The following AGAP1 variants were observed in gnomAD, a reference collection of about 807,000 sequenced individuals.
The protein encoded by AGAP1 is arf-GAP with GTPase, ANK repeat and PH domain-containing protein 1.
Under a neutral mutation model 105.3 loss-of-function variants are expected in AGAP1, and 29 were observed. The observed-to-expected ratio is 0.28, with a 90% CI of 0.21 to 0.38. AGAP1 has a LOEUF of 0.38. AGAP1 is among the 10% of genes least tolerant of loss of function. The probability of loss-of-function intolerance (pLI) is 1.00; values close to 1 mark genes in which losing one functional copy is unlikely to be tolerated. For missense variants in AGAP1, 998 were observed against 1,165.1 expected, an observed-to-expected ratio of 0.86 and a Z score of 2.09; for synonymous variants, 509 against 485.9, an observed-to-expected ratio of 1.05 and a Z score of -0.63.
intron 1 of AGAP1, among the ~76,000 whole-genome samples, chr2:235,495,061 G>A (rs1328351033): frequency 6.6e-6 from 1 of 152,158 alleles, no homozygotes; most frequent in Admixed American, 6.5e-5. Context: ...AAGATAGATC[G>A]TCAGCGTTAA....
Position 235,931,061 on chromosome 2 carries a change from C to T in AGAP1, c.1483+138C>T, listed in dbSNP as rs2125153689. ...CTGTGGGGCGGCTGCATCAGAGACT[C>T]ACATCTTGCCTTTCATCTGTGGAAC... On this transcript the variant is annotated intron_variant, in intron 12 of 17. Coordinates refer to ENST00000304032, the MANE Select transcript of AGAP1 (RefSeq NM_001037131.3). This position sits in a 1 kb window ranked among gnomAD's most constrained non-coding sequence, Gnocchi z 5.6. 1.0e-6 allele frequency: 1 copy of T among 962,010 alleles called. No individual in the cohort carries two copies. Among genetic ancestry groups the T allele is most frequent in the South Asian group, 1.8e-5 (1 of 54,390 alleles). The allele number at this position is 962,010 out of a possible 1,614,324, so 59.6% of individuals were successfully genotyped here. A position where few individuals can be genotyped will look rare whatever the true frequency, so the allele number is the denominator to read the frequency against.
chr2:236,108,132 C>T (rs2059547048), intron 16 of AGAP1, among the ~76,000 whole-genome samples: 1 of 152,232 alleles, frequency 6.6e-6, no homozygotes, highest in South Asian at 2.1e-4. Context: ...TGCTCCGTCC[C>T]TCCGCCTGAC....
intron 8 of AGAP1, among the ~76,000 whole-genome samples, chr2:235,805,421 A>C (rs955678001): frequency 6.6e-6 from 1 of 152,092 alleles, no homozygotes; most frequent in Non-Finnish European, 1.5e-5. Context: ...GAAGATGTTA[A>C]TTTTTTTAAA....
Position 235,981,181 on chromosome 2 carries a change from C to G in AGAP1, c.1645+12558C>G, listed in dbSNP as rs778582972. Among the ~76,000 whole-genome samples the G allele has an allele frequency of 2.0e-5, 3 of 152,140 alleles. No individual in the cohort carries two copies. The highest frequency in any genetic ancestry group is 4.4e-5 in the Non-Finnish European group (3 of 68,028). On this transcript the variant is annotated intron_variant, in intron 13 of 17. Transcript: ENST00000304032. This position sits in a 1 kb window ranked among gnomAD's most constrained non-coding sequence, Gnocchi z 5.5. ...TTGCCAACACATGCTGCCTCGGGGC[C>G]TGTGGTCACTAAGCTTATATGAGGG... is the stretch of plus-strand genomic sequence containing the variant.
chr2:236,110,407 T>A (rs1410790210), intron 16 of AGAP1, among the ~76,000 whole-genome samples: 1 of 136,508 alleles, frequency 7.3e-6, no homozygotes, highest in Non-Finnish European at 1.6e-5. Context: ...AAAAAAAAAA[T>A]TGAAAATTAG....
In AGAP1 at chr2:236,121,955, C is replaced by A. The variant is rs779847950; in HGVS notation, c.2370+1508C>A. ...TCCTGGTAGCTCTCTCCTTTCCCCC[C>A]ACCCCCTTCTTTTTGGGACAAAGTC... On this transcript the variant is annotated intron_variant, in intron 17 of 17. Transcript: ENST00000304032. This position sits in a 1 kb window ranked among gnomAD's most constrained non-coding sequence, Gnocchi z 4.9. Among the ~76,000 whole-genome samples, 8 of 150,820 alleles carry A rather than the reference C, an allele frequency of 5.3e-5. No homozygotes were observed. The highest frequency in any genetic ancestry group is 3.4e-3 in the Middle Eastern group (1 of 292).
chr2:235,618,632 A>G (rs995923278), intron 1 of AGAP1, among the ~76,000 whole-genome samples: 4 of 152,238 alleles, frequency 2.6e-5, no homozygotes, highest in African/African-American at 7.2e-5. Context: ...TAAATAATGT[A>G]CCATAAAAGC....
Position 235,733,351 on chromosome 2 carries a change from C to T in AGAP1, c.311-7612C>T, listed in dbSNP as rs1025743691. ...GCCCCTTCTGTTTCTTCCCTGCGCACTTTGGGGTGAAGTGATGGGGTGTTG... is the reference window on the plus strand; with the variant it reads ...GCCCCTTCTGTTTCTTCCCTGCGCATTTTGGGGTGAAGTGATGGGGTGTTG... On this transcript the variant is annotated intron_variant, in intron 3 of 17. Coordinates refer to ENST00000304032, the MANE Select transcript of AGAP1 (RefSeq NM_001037131.3). This position sits in a 1 kb window ranked among gnomAD's most constrained non-coding sequence, Gnocchi z 5.0. Among the ~76,000 whole-genome samples, 9 of 152,154 alleles carry T rather than the reference C, an allele frequency of 5.9e-5. No homozygotes were observed. The highest frequency in any genetic ancestry group is 2.2e-4 in the African/African-American group (9 of 41,430).
Position 235,586,259 on chromosome 2 carries a change from A to G in AGAP1, c.163+91410A>G, listed in dbSNP as rs1463769236. Among the ~76,000 whole-genome samples the G allele has an allele frequency of 6.6e-6, 1 of 152,188 alleles. No homozygotes were observed. Among genetic ancestry groups the G allele is most frequent in the Non-Finnish European group, 1.5e-5 (1 of 68,038 alleles). ...GCATGTTATCCAGAAGAGAGGAGAGAGAAGCCCGCTGCACTCTCCACTGAC... is the reference window on the plus strand; with the variant it reads ...GCATGTTATCCAGAAGAGAGGAGAGGGAAGCCCGCTGCACTCTCCACTGAC... On this transcript the variant is annotated intron_variant, in intron 1 of 17. Transcript: ENST00000304032. This position sits in a 1 kb window ranked among gnomAD's most constrained non-coding sequence, Gnocchi z 4.2.
In AGAP1 at chr2:235,799,848, C is replaced by A. The variant is rs1218171353; in HGVS notation, c.957+326C>A. ...AAGGAGATGACAAAACTCTAAGATT[C>A]CCAGATGTGTGTCTCTAACCGTTCA... On this transcript the variant is annotated intron_variant, in intron 8 of 17. Transcript: ENST00000304032. The surrounding 1 kb of genome is among the most constrained non-coding windows in gnomAD (Gnocchi z 5.0). Among the ~76,000 whole-genome samples the A allele has an allele frequency of 6.6e-6, 1 of 152,096 alleles. No homozygotes were observed. The highest frequency in any genetic ancestry group is 1.9e-4 in the East Asian group (1 of 5,178).
intron 1 of AGAP1, among the ~76,000 whole-genome samples, chr2:235,603,181 T>C (rs1945791288): frequency 6.6e-6 from 1 of 152,166 alleles, no homozygotes; most frequent in African/African-American, 2.4e-5. Context: ...TGAGAGCTGG[T>C]GGTTTCATAA....
intron 9 of AGAP1, among the ~76,000 whole-genome samples, chr2:235,848,742 A>G (rs1961811105): frequency 6.6e-6 from 1 of 152,238 alleles, no homozygotes; most frequent in Admixed American, 6.5e-5. Context: ...ATCAGGTGAG[A>G]ACACACAGTT....
Position 235,888,626 on chromosome 2 carries a change from C to T in AGAP1, c.1155+5177C>T, listed in dbSNP as rs2124883674. 6.6e-6 allele frequency among the ~76,000 whole-genome samples: 1 copy of T among 152,096 alleles called. No individual in the cohort carries two copies. The highest frequency in any genetic ancestry group is 2.4e-5 in the African/African-American group (1 of 41,500). On this transcript the variant is annotated intron_variant, in intron 10 of 17. Transcript: ENST00000304032. The surrounding 1 kb of genome is among the most constrained non-coding windows in gnomAD (Gnocchi z 4.8). ...GGCTGAGGCAGGAGGATCACTTGAG[C>T]CAGGAGGTCAGGGCTTCACAGTGAG...
chr2:235,914,269 G>T (rs1447687198), intron 11 of AGAP1, among the ~76,000 whole-genome samples: 2 of 152,184 alleles, frequency 1.3e-5, no homozygotes, highest in African/African-American at 2.4e-5. Flanking sequence ...TACAGAGACT[G>T]GATTGTGTTG....
At chr2:235,653,232 A>G (rs546242539) in intron 1 of AGAP1, among the ~76,000 whole-genome samples, 6 of 152,104 alleles carry the variant, frequency 3.9e-5, no homozygotes, top group East Asian at 3.9e-4. Context: ...TTGGGAGGCC[A>G]AGGCGGGCGG....
At chr2:236,088,808 G>A (rs1049882803) in intron 16 of AGAP1, among the ~76,000 whole-genome samples, 2 of 152,112 alleles carry the variant, frequency 1.3e-5, no homozygotes, top group Non-Finnish European at 2.9e-5. Context: ...GTATCCTTCT[G>A]CTTCTATTCA....
intron 9 of AGAP1, among the ~76,000 whole-genome samples, chr2:235,858,591 TA>T (rs896024450): frequency 1.7e-3 from 261 of 151,428 alleles, no homozygotes; most frequent in East Asian, 6.0e-3. Context: ...TGAGAGATGA[TA>T]AAAAAAAATA....
intron 3 of AGAP1, among the ~76,000 whole-genome samples, chr2:235,730,477 TAAAAAA>T (rs11388954): frequency 4.0e-5 from 5 of 123,890 alleles, no homozygotes; most frequent in Admixed American, 8.4e-5. Flanking sequence ...GTTTACCTTT[TAAAAAA>T]AAAAAAAAAA....
chr2:235,706,489 A>G (rs1051583658), intron 1 of AGAP1, among the ~76,000 whole-genome samples: 1 of 151,842 alleles, frequency 6.6e-6, no homozygotes, highest in African/African-American at 2.4e-5. Context: ...CGGCCTCCCA[A>G]ATTACAGGCC....
Sources: allele counts gnomAD v4.1 joint callset (sites outside exome capture counted in the v4.1 genomes callset), GRCh38; gene constraint gnomAD v4.1.1; non-coding constraint Gnocchi (gnomAD v3.1); transcripts MANE v1.5; gene names NCBI Gene and HGNC (gene_info 2026-07-23, HGNC 2026-07-21).